LRFN5: variants seen among roughly 807,000 people sequenced by gnomAD.
LRFN5 encodes leucine rich repeat and fibronectin type III domain containing 5.
A neutral mutation model predicts 45.6 loss-of-function variants in LRFN5; 24 were observed. The ratio of observed to expected loss-of-function variants is 0.53; its 90% CI spans 0.38 to 0.74. The LOEUF (loss-of-function observed/expected upper bound fraction) is 0.74, where lower values mean the gene tolerates loss of function less well. Among genes scored for constraint, LRFN5 ranks in the 30% least tolerant of loss-of-function variants. The pLI is 0.00. For missense variants in LRFN5, 776 were observed against 861.5 expected (o/e 0.90, Z 1.24); for synonymous variants, 340 against 313.8 (o/e 1.08, Z -0.88).
Position 41,880,206 on chromosome 14 carries a change from T to C in LRFN5, c.-20-6400T>C, listed in dbSNP as rs542973420. On this transcript the variant is annotated intron_variant, in intron 2 of 5. Coordinates refer to ENST00000298119, the MANE Select transcript of LRFN5 (RefSeq NM_152447.5). Reference sequence around the variant, plus strand: ...CCTCCCAAAGTGCTGGGATTACAGGTGTGAGCCACCGCGCCCGGCCCTCAA... The same window carrying C: ...CCTCCCAAAGTGCTGGGATTACAGGCGTGAGCCACCGCGCCCGGCCCTCAA... Among the ~76,000 whole-genome samples, 91 of 152,012 alleles carry C rather than the reference T, an allele frequency of 6.0e-4. 1 individual carries two copies. The highest frequency in any genetic ancestry group is 3.1e-3 in the East Asian group (16 of 5,166).
rs939717306 is a variant in LRFN5 at position 41,607,062 on chromosome 14, C to A, written c.-1697C>A. 3.9e-5 allele frequency among the ~76,000 whole-genome samples: 6 copies of A among 152,150 alleles called. No homozygotes were observed. In the East Asian group the frequency reaches 9.7e-4, roughly 24 times the overall value. ...GGACTCGCCCCAGCGCGGTGGCCAG[C>A]GGGCGGGGCGCTGTGTTCCGCGGCG... On this transcript the variant is annotated 5_prime_UTR_variant, in exon 1 of 6. Coordinates refer to ENST00000298119, the MANE Select transcript of LRFN5 (RefSeq NM_152447.5).
rs1386845227 is a variant in LRFN5, at chr14:41,608,432, A to G, written c.-327A>G. 2 of 152,648 alleles carry G rather than the reference A, an allele frequency of 1.3e-5. No individual in the cohort carries two copies. The highest frequency in any genetic ancestry group is 6.5e-5 in the Admixed American group (1 of 15,284). 9.5% of individuals were successfully genotyped at this position (152,648 alleles called of 1,614,324 possible). A position where few individuals can be genotyped will look rare whatever the true frequency, so the allele number is the denominator to read the frequency against. On this transcript the variant is annotated 5_prime_UTR_variant, in exon 1 of 6. An upstream start codon of the reference 5' UTR is lost. Coordinates refer to ENST00000298119, the MANE Select transcript of LRFN5 (RefSeq NM_152447.5). ...TTCCCTACGATGCGGGTGCTGAGCTATGGCAAAGGGCAGCGAAGTGACGAG... is the reference window on the plus strand; with the variant it reads ...TTCCCTACGATGCGGGTGCTGAGCTGTGGCAAAGGGCAGCGAAGTGACGAG...
At chr14:41,653,082 C>T (rs768246908) in intron 1 of LRFN5, among the ~76,000 whole-genome samples, 1 of 151,978 alleles carries the variant, frequency 6.6e-6, no homozygotes, top group Non-Finnish European at 1.5e-5. Flanking sequence ...CAGAGGCATA[C>T]TTTGCAAAAA....
chr14:41,869,718 A>T (rs1029236571), intron 2 of LRFN5, among the ~76,000 whole-genome samples: 2 of 152,102 alleles, frequency 1.3e-5, no homozygotes, highest in Admixed American at 6.6e-5. Flanking sequence ...GGCAGACAAG[A>T]GAGAGCTTGT....
chr14:41,648,222 A>T (rs982752640), intron 1 of LRFN5, among the ~76,000 whole-genome samples: 2 of 152,134 alleles, frequency 1.3e-5, no homozygotes, highest in Non-Finnish European at 2.9e-5. Context: ...ATATACCATT[A>T]TTGTTTAAAA....
intron 2 of LRFN5, among the ~76,000 whole-genome samples, chr14:41,782,145 T>C (rs1373451976): frequency 6.6e-6 from 1 of 151,980 alleles, no homozygotes; most frequent in Non-Finnish European, 1.5e-5. Context: ...TTCCTTCTGC[T>C]GTTCCAGACT....
chr14:41,862,858 T>A lies in LRFN5; in HGVS notation c.-20-23748T>A, dbSNP rs568959133. Among the ~76,000 whole-genome samples, 478 of 126,496 alleles carry A rather than the reference T, an allele frequency of 3.8e-3. 3 individuals carry two copies. Among genetic ancestry groups the A allele is most frequent in the African/African-American group, 0.014 (463 of 32,214 alleles). 83.0% of individuals were successfully genotyped at this position (126,496 alleles called of 152,430 possible). ...TTTTCATGAAGTGCTTATTTAAGTC[T>A]CTCTTTTTTTTTTTTTTTTTTTTTG... On this transcript the variant is annotated intron_variant, in intron 2 of 5. Coordinates refer to ENST00000298119, the MANE Select transcript of LRFN5 (RefSeq NM_152447.5).
rs142114646 is a variant in LRFN5, at chr14:41,663,697, T to A, written c.-197+55135T>A. 6.4e-3 allele frequency among the ~76,000 whole-genome samples: 971 copies of A among 152,082 alleles called. 5 individuals are homozygous for A. Among genetic ancestry groups the A allele is most frequent in the Middle Eastern group, 0.014 (4 of 294 alleles). ...CAGCCCATACTTAGTTATGTATGCA[T>A]CGATAACCTAGTGATGATTTGGCAG... is the stretch of plus-strand genomic sequence containing the variant. On this transcript the variant is annotated intron_variant, in intron 1 of 5. Coordinates refer to ENST00000298119, the MANE Select transcript of LRFN5 (RefSeq NM_152447.5).
At chr14:41,717,926 C>G (rs1327089672) in intron 1 of LRFN5, among the ~76,000 whole-genome samples, 1 of 152,146 alleles carries the variant, frequency 6.6e-6, no homozygotes, top group East Asian at 1.9e-4. Context: ...ATCCTACACC[C>G]ATGGGCTGGC....
intron 1 of LRFN5, among the ~76,000 whole-genome samples, chr14:41,668,192 T>C (rs1157093748): frequency 6.6e-6 from 1 of 152,154 alleles, no homozygotes; most frequent in Non-Finnish European, 1.5e-5. Flanking sequence ...GCAGTTTGCA[T>C]CAGTACATCA....
At chr14:41,615,672 T>C (rs984349873) in intron 1 of LRFN5, among the ~76,000 whole-genome samples, 1 of 152,134 alleles carries the variant, frequency 6.6e-6, no homozygotes, top group Admixed American at 6.5e-5. Flanking sequence ...AAGAAAATGC[T>C]GTAACTCTCC....
chr14:41,751,391 GA>G (rs1013198140), intron 1 of LRFN5, among the ~76,000 whole-genome samples: 89 of 151,578 alleles, frequency 5.9e-4, no homozygotes, highest in Admixed American at 4.6e-4. Context: ...AGAATATATT[GA>G]AAAAAAATTG....
At chr14:41,640,675 G>A (rs1202700435) in intron 1 of LRFN5, among the ~76,000 whole-genome samples, 2 of 151,990 alleles carry the variant, frequency 1.3e-5, no homozygotes, top group Non-Finnish European at 2.9e-5. Flanking sequence ...ACTTGTATCT[G>A]GATATTAGAT....
intron 1 of LRFN5, among the ~76,000 whole-genome samples, chr14:41,757,223 C>T (rs186553052): frequency 6.6e-6 from 1 of 152,184 alleles, no homozygotes; most frequent in Non-Finnish European, 1.5e-5. Flanking sequence ...CTTGAGGAGG[C>T]AGTCTGTTTG....
chr14:41,677,731 T>G (rs1330204137), intron 1 of LRFN5, among the ~76,000 whole-genome samples: 1 of 151,966 alleles, frequency 6.6e-6, no homozygotes, highest in African/African-American at 2.4e-5. Flanking sequence ...TAAAGAAAAT[T>G]GAATAAGAAA....
chr14:41,781,647 G>GAGAA (rs548156166), intron 2 of LRFN5, among the ~76,000 whole-genome samples: 30 of 141,548 alleles, frequency 2.1e-4, no homozygotes, highest in African/African-American at 3.7e-4. Flanking sequence ...AAGAAAGAAA[G>GAGAA]AGAAAGAAAG....
chr14:41,702,274 G>A (rs1036355974), intron 1 of LRFN5, among the ~76,000 whole-genome samples: 2 of 152,092 alleles, frequency 1.3e-5, no homozygotes, highest in Non-Finnish European at 2.9e-5. Context: ...CTTGCTCAAG[G>A]TGGCACATGC....
intron 1 of LRFN5, among the ~76,000 whole-genome samples, chr14:41,665,972 C>T (rs1353589222): frequency 1.3e-5 from 2 of 151,810 alleles, no homozygotes; most frequent in South Asian, 2.1e-4. Context: ...TTCTGTATTT[C>T]GTGTATTAAA....
intron 1 of LRFN5, among the ~76,000 whole-genome samples, chr14:41,728,229 G>A (rs779958333): frequency 2.6e-5 from 4 of 152,186 alleles, no homozygotes; most frequent in South Asian, 4.1e-4. Flanking sequence ...AAATTTAGTT[G>A]GTGTTGCTTC....
Sources: allele counts gnomAD v4.1 joint callset (sites outside exome capture counted in the v4.1 genomes callset), GRCh38; gene constraint gnomAD v4.1.1; transcripts MANE v1.5; gene names NCBI Gene and HGNC (gene_info 2026-07-23, HGNC 2026-07-21).